The following SFXN1 variants were observed in gnomAD, a reference collection of about 807,000 sequenced individuals.
The protein encoded by SFXN1 is sideroflexin 1, also known as sideroflexin-1.
SFXN1 carries 32 observed loss-of-function variants against 39.5 expected under a neutral mutation model. The ratio of observed to expected loss-of-function variants is 0.81; its 90% confidence interval spans 0.61 to 1.09. The LOEUF (loss-of-function observed/expected upper bound fraction) is 1.09. Among genes scored for constraint, SFXN1 ranks in the 50% least tolerant of loss-of-function variants. The probability of loss-of-function intolerance (pLI) is 0.00; values close to 1 mark genes in which losing one functional copy is unlikely to be tolerated. For missense variants in SFXN1, 402 were observed against 407.1 expected (o/e 0.99, Z 0.11); for synonymous variants, 136 against 146.5 (o/e 0.93, Z 0.52).
intron 9 of SFXN1, 45 bp from the exon 10 acceptor site, chr5:175,522,329 AT>A (rs1760906914): frequency 6.5e-7 from 1 of 1,535,360 alleles, no homozygotes; most frequent in African/African-American, 1.4e-5. Flanking sequence ...TAAGCTGAAA[AT>A]TAACCATTTA....
chr5:175,501,931 A>T (rs1760098546), intron 2 of SFXN1, among the ~76,000 whole-genome samples: 1 of 152,162 alleles, frequency 6.6e-6, no homozygotes, highest in Non-Finnish European at 1.5e-5. Flanking sequence ...CCGGAGTTTT[A>T]TTATTATTCA....
chr5:175,507,875 A>T (rs1463671194), intron 2 of SFXN1, among the ~76,000 whole-genome samples: 1 of 151,756 alleles, frequency 6.6e-6, no homozygotes, highest in Admixed American at 6.6e-5. Flanking sequence ...CAGGAAACTG[A>T]GGTGGGAGGA....
At chr5:175,480,978 A>C (rs1349992298) in intron 1 of SFXN1, among the ~76,000 whole-genome samples, 1 of 152,256 alleles carries the variant, frequency 6.6e-6, no homozygotes, top group Non-Finnish European at 1.5e-5. Context: ...CCATGTGTCA[A>C]ACCTGCACTT....
At chr5:175,510,449 G>A in intron 4 of SFXN1, 1 of 462,428 alleles carries the variant, frequency 2.2e-6, no homozygotes, top group Non-Finnish European at 3.9e-6. Flanking sequence ...GCCTTTGGAG[G>A]TACTGGTAGG....
At chr5:175,526,265 T>C (rs1467290079) in intron 10 of SFXN1, among the ~76,000 whole-genome samples, 2 of 152,164 alleles carry the variant, frequency 1.3e-5, no homozygotes, top group Non-Finnish European at 2.9e-5. Flanking sequence ...TCTTTTTTTA[T>C]CAATGGTGAA....
intron 1 of SFXN1, among the ~76,000 whole-genome samples, chr5:175,487,766 G>C (rs919431143): frequency 6.6e-6 from 1 of 152,144 alleles, no homozygotes; most frequent in Non-Finnish European, 1.5e-5. Context: ...TCCACTTGCT[G>C]CCTCCTGGGT....
At chr5:175,519,017 AC>A (rs780295215) in intron 8 of SFXN1, among the ~76,000 whole-genome samples, 52 of 152,216 alleles carry the variant, frequency 3.4e-4, no homozygotes, top group Non-Finnish European at 6.6e-4. Context: ...TGTCCAGAAT[AC>A]ATAAAGGACC....
At chr5:175,480,131 G>A (rs913208960) in intron 1 of SFXN1, among the ~76,000 whole-genome samples, 2 of 152,178 alleles carry the variant, frequency 1.3e-5, no homozygotes, top group Non-Finnish European at 2.9e-5. Context: ...GCCAGGCGCG[G>A]TGGCTCACGC....
chr5:175,517,107 A>G (rs753381615), intron 8 of SFXN1, among the ~76,000 whole-genome samples: 1 of 152,228 alleles, frequency 6.6e-6, no homozygotes, highest in Non-Finnish European at 1.5e-5. Flanking sequence ...GGCATGTTGC[A>G]TAAGTTTCTT....
intron 1 of SFXN1, among the ~76,000 whole-genome samples, chr5:175,482,911 A>G (rs1287660374): frequency 6.6e-6 from 1 of 152,190 alleles, no homozygotes; most frequent in African/African-American, 2.4e-5. Context: ...ATCAGCAAAA[A>G]CCAGCCAGAA....
At chr5:175,515,264 C>T (rs1455198963) in intron 7 of SFXN1, among the ~76,000 whole-genome samples, 1 of 152,076 alleles carries the variant, frequency 6.6e-6, no homozygotes, top group African/African-American at 2.4e-5. Flanking sequence ...GATCCACCCA[C>T]CCCGAATGCT....
chr5:175,513,701 C>A, intron 7 of SFXN1, 111 bp downstream of exon 7: 1 of 1,186,242 alleles, frequency 8.4e-7, no homozygotes, highest in Non-Finnish European at 1.2e-6. Flanking sequence ...AAATTGCCTT[C>A]CACTGGGGGT....
intron 5 of SFXN1, 159 bp downstream of exon 5, chr5:175,511,685 T>G: frequency 1.5e-6 from 1 of 653,082 alleles, no homozygotes; most frequent in Non-Finnish European, 2.6e-6. Flanking sequence ...TTCCAATAAG[T>G]TTGGGAAGAG....
At chr5:175,502,685 T>A (rs1017437851) in intron 2 of SFXN1, among the ~76,000 whole-genome samples, 1 of 151,670 alleles carries the variant, frequency 6.6e-6, no homozygotes, top group Non-Finnish European at 1.5e-5. Flanking sequence ...ACTAAAAATA[T>A]AAAAAATTAG....
chr5:175,516,596 A>G lies in SFXN1; in HGVS notation c.725-18A>G, dbSNP rs746411877. 13 of 1,603,734 alleles carry G rather than the reference A, an allele frequency of 8.1e-6. No homozygotes were observed. Among genetic ancestry groups the G allele is most frequent in the Admixed American group, 1.7e-5 (1 of 58,142 alleles). On this transcript the variant is annotated intron_variant, in intron 7 of 10. Coordinates refer to ENST00000321442, the MANE Select transcript of SFXN1 (RefSeq NM_022754.7). ...TGGCATTAAATAAAGATTTAAGTGG[A>G]TCTATCTTTATTTCCAGCCATCCCT...
intron 1 of SFXN1, 169 bp downstream of exon 1, chr5:175,478,808 CG>C (rs143415486): frequency 0.063 from 9,044 of 143,396 alleles, 787 homozygotes; most frequent in African/African-American, 0.2. Context: ...TGCCTCGGGC[CG>C]GGGGGGGGGT....
intron 7 of SFXN1, among the ~76,000 whole-genome samples, chr5:175,514,391 T>A (rs2113344638): frequency 6.6e-6 from 1 of 152,290 alleles, no homozygotes; most frequent in Non-Finnish European, 1.5e-5. Flanking sequence ...GCTGAGAATC[T>A]CTAGTCCACC....
chr5:175,521,838 G>T, intron 8 of SFXN1, 81 bp from the exon 9 acceptor site: 1 of 1,101,064 alleles, frequency 9.1e-7, no homozygotes, highest in East Asian at 2.4e-5. Context: ...TGTGGTGAGA[G>T]GTTCCTTCCA....
chr5:175,517,808 A>T (rs1185859543), intron 8 of SFXN1, among the ~76,000 whole-genome samples: 1 of 152,104 alleles, frequency 6.6e-6, no homozygotes, highest in Non-Finnish European at 1.5e-5. Context: ...TGAAGAGGTC[A>T]CTTCCTTGGC....
Sources: gnomAD v4.1 joint callset for allele counts (sites outside exome capture counted in the v4.1 genomes callset) on GRCh38, gnomAD v4.1.1 for gene constraint, MANE v1.5 for transcripts, NCBI Gene and HGNC (gene_info 2026-07-23, HGNC 2026-07-21) for gene names.